The following TAOK1 variants were observed in gnomAD, a reference collection of about 807,000 sequenced individuals.
TAOK1 encodes TAO kinase 1.
TAOK1 carries 21 observed loss-of-function variants against 138.3 expected under a neutral mutation model. That is an observed-to-expected ratio of 0.15 (90% CI 0.11 to 0.22). The LOEUF is 0.22. Among genes scored for constraint, TAOK1 ranks in the 10% least tolerant of loss-of-function variants. The pLI is 1.00. For synonymous variants in TAOK1, 361 were observed against 398.4 expected (o/e 0.91, Z 1.12); for missense variants, 651 against 1,227.7 (o/e 0.53, Z 7.02).
intron 1 of TAOK1, among the ~76,000 whole-genome samples, chr17:29,397,603 C>CG (rs1567706610): frequency 1.8e-5 from 1 of 54,284 alleles, no homozygotes; most frequent in Non-Finnish European, 2.9e-5. Flanking sequence ...ATTCCGTCCC[C>CG]CCCCAAAAAA....
chr17:29,469,519 A>G (rs948523907), intron 3 of TAOK1, among the ~76,000 whole-genome samples: 2 of 152,026 alleles, frequency 1.3e-5, no homozygotes, highest in Admixed American at 1.3e-4. Flanking sequence ...TGTCTCCATA[A>G]ATTTGACTAG....
chr17:29,491,654 T>C (rs1294803116), intron 9 of TAOK1, 130 bp from the exon 10 acceptor site: 1 of 661,842 alleles, frequency 1.5e-6, no homozygotes, highest in Non-Finnish European at 2.7e-6. Flanking sequence ...TATGAAACTG[T>C]ATAGTCTCTG....
intron 3 of TAOK1, among the ~76,000 whole-genome samples, chr17:29,474,116 C>G (rs2030891893): frequency 6.6e-6 from 1 of 152,168 alleles, no homozygotes; most frequent in Non-Finnish European, 1.5e-5. Context: ...AACTTTTCTT[C>G]TTCAGCTTTC....
At chr17:29,436,297 A>T (rs1906029279) in intron 1 of TAOK1, among the ~76,000 whole-genome samples, 1 of 152,238 alleles carries the variant, frequency 6.6e-6, no homozygotes, top group Non-Finnish European at 1.5e-5. Flanking sequence ...GGCCGTAAAT[A>T]GTTCAAAATG....
intron 19 of TAOK1, among the ~76,000 whole-genome samples, chr17:29,541,707 C>T (rs970137057): frequency 1.1e-4 from 16 of 150,442 alleles, no homozygotes; most frequent in African/African-American, 2.7e-4. Context: ...ACCCAGGATG[C>T]GGAGGTTGCA....
chr17:29,496,699 C>A (rs2031422001), intron 11 of TAOK1, among the ~76,000 whole-genome samples: 1 of 151,106 alleles, frequency 6.6e-6, no homozygotes, highest in African/African-American at 2.4e-5. Flanking sequence ...GCAATTCTCC[C>A]CCTTCAGCCT....
At chr17:29,505,570 C>T (rs1488179603) in intron 13 of TAOK1, among the ~76,000 whole-genome samples, 1 of 151,672 alleles carries the variant, frequency 6.6e-6, no homozygotes, top group Non-Finnish European at 1.5e-5. Context: ...GGCATGATGG[C>T]AGGCGCCTGT....
chr17:29,428,819 G>C (rs527747764), intron 1 of TAOK1, among the ~76,000 whole-genome samples: 1 of 151,238 alleles, frequency 6.6e-6, no homozygotes, highest in Non-Finnish European at 1.5e-5. Flanking sequence ...GTAGAGACAG[G>C]GTTCCACCAT....
At chr17:29,400,305 A>G (rs1179378841) in intron 1 of TAOK1, among the ~76,000 whole-genome samples, 2 of 151,446 alleles carry the variant, frequency 1.3e-5, no homozygotes, top group Admixed American at 6.6e-5. Flanking sequence ...GAGGCAGGAG[A>G]ATCACTTGAA....
At chr17:29,531,916 A>G (rs2032119354) in intron 18 of TAOK1, among the ~76,000 whole-genome samples, 1 of 145,794 alleles carries the variant, frequency 6.9e-6, no homozygotes. Flanking sequence ...GCTGGAGTGC[A>G]GTGGCACGAT....
chr17:29,509,897 T>A (rs1226045582), intron 14 of TAOK1, among the ~76,000 whole-genome samples: 2 of 151,116 alleles, frequency 1.3e-5, no homozygotes, highest in Non-Finnish European at 3.0e-5. Context: ...TGTAACATAT[T>A]TTTTGAGACA....
chr17:29,510,849 T>C lies in TAOK1; in HGVS notation c.1576-15T>C. The C allele has an allele frequency of 6.4e-7, 1 of 1,552,176 alleles. No homozygotes were observed. Among genetic ancestry groups the C allele is most frequent in the South Asian group, 1.3e-5 (1 of 79,888 alleles). The stretch of plus-strand genomic sequence containing the variant: ...TACTTAACTAAATTTGATTCATTTT[T>C]TAAACTTCATATAGGCTAAAGTGAT... On this transcript the variant is annotated splice_polypyrimidine_tract_variant and intron_variant, in intron 14 of 19. Coordinates refer to ENST00000261716, the MANE Select transcript of TAOK1 (RefSeq NM_020791.4).
At chr17:29,445,939 T>G (rs1258480816) in intron 1 of TAOK1, among the ~76,000 whole-genome samples, 1 of 152,068 alleles carries the variant, frequency 6.6e-6, no homozygotes, top group Non-Finnish European at 1.5e-5. Flanking sequence ...AGACCTGGAG[T>G]TTTCTTTCAT....
At chr17:29,469,903 T>C (rs2030773550) in intron 3 of TAOK1, among the ~76,000 whole-genome samples, 1 of 152,216 alleles carries the variant, frequency 6.6e-6, no homozygotes, top group African/African-American at 2.4e-5. Flanking sequence ...CATTTTATAA[T>C]GTATCTTCCA....
At chr17:29,421,905 A>T (rs565508263) in intron 1 of TAOK1, among the ~76,000 whole-genome samples, 1 of 149,708 alleles carries the variant, frequency 6.7e-6, no homozygotes, top group African/African-American at 2.5e-5. Flanking sequence ...GCTATCCTCT[A>T]TTTATCCTTT....
chr17:29,509,732 C>T (rs1005877555), intron 14 of TAOK1, among the ~76,000 whole-genome samples: 3 of 151,128 alleles, frequency 2.0e-5, no homozygotes, highest in African/African-American at 4.9e-5. Context: ...TGTCTCCACA[C>T]ACAAAAAAAA....
chr17:29,495,727 G>T lies in TAOK1; in HGVS notation c.999G>T (p.Glu333Asp). 1 of 1,588,812 alleles carries T rather than the reference G, an allele frequency of 6.3e-7. No individual in the cohort carries two copies. Among genetic ancestry groups the T allele is most frequent in the Non-Finnish European group, 8.6e-7 (1 of 1,167,944 alleles). ...CAGTAGAAGCACAGGAAGAAGAAGA[G>T]GTAAGAGATAAAAAAATGACTCCAA... ...GPAVEAQEEE[E>D]EQDHGVGRTG... is the part of the protein sequence containing the mutation. The change falls in exon 11 of 20, where the codon GAG becomes GAT. Residue 333 changes from glutamate (E) to aspartate (D), a missense_variant and splice_region_variant. Physicochemically the swap from Glu to Asp is conservative, Grantham distance 45. This residue lies in a region of TAOK1 where 104 missense variants were observed against 151.7 expected (regional missense o/e 0.69). Transcript: ENST00000261716.
chr17:29,463,650 T>C (rs945568911), intron 2 of TAOK1, among the ~76,000 whole-genome samples: 3 of 151,302 alleles, frequency 2.0e-5, no homozygotes, highest in African/African-American at 7.3e-5. Flanking sequence ...TAGAAGAAAA[T>C]GTAGGGATAA....
chr17:29,521,614 G>C (rs188270574), intron 16 of TAOK1, among the ~76,000 whole-genome samples: 1 of 152,094 alleles, frequency 6.6e-6, no homozygotes, highest in Non-Finnish European at 1.5e-5. Context: ...AGGGAGTCTC[G>C]CTCTGTCGCC....
Sources: gnomAD v4.1 joint callset for allele counts (sites outside exome capture counted in the v4.1 genomes callset) on GRCh38, gnomAD v4.1.1 for gene constraint, gnomAD v4.1.1 regional missense constraint, MANE v1.5 for transcripts, NCBI Gene and HGNC (gene_info 2026-07-23, HGNC 2026-07-21) for gene names.